The following RALYL variants were observed in gnomAD, a reference collection of about 807,000 sequenced individuals.
The protein encoded by RALYL is RNA-binding Raly-like protein.
A neutral mutation model predicts 35.1 loss-of-function variants in RALYL; 29 were observed. The ratio of observed to expected loss-of-function variants is 0.83; its 90% CI spans 0.61 to 1.13. The LOEUF (loss-of-function observed/expected upper bound fraction) is 1.13, where lower values mean the gene tolerates loss of function less well. RALYL is among the 50% of genes most tolerant of loss of function. The probability of loss-of-function intolerance (pLI) is 0.00; values close to 1 mark genes in which losing one functional copy is unlikely to be tolerated. For missense variants in RALYL, 359 were observed against 360.4 expected, an observed-to-expected ratio of 1.00 and a Z score of 0.03; for synonymous variants, 120 against 127.6, an observed-to-expected ratio of 0.94 and a Z score of 0.40.
intron 4 of RALYL, among the ~76,000 whole-genome samples, chr8:84,820,246 AT>A (rs1470841735): frequency 2.6e-5 from 4 of 152,222 alleles, no homozygotes; most frequent in African/African-American, 9.6e-5. Context: ...AGCAAGTCTT[AT>A]GAGAAACCCT....
chr8:84,625,174 C>A (rs1822455862), intron 2 of RALYL, among the ~76,000 whole-genome samples: 2 of 152,112 alleles, frequency 1.3e-5, no homozygotes, highest in Admixed American at 1.3e-4. Context: ...ATTTCACAGT[C>A]CTTAATTGAA....
At position 84,311,090 on chromosome 8, in the gene RALYL, A is replaced by AAAAAAAAAAAAAATAT. The variant is rs1554614840; in HGVS notation, c.-24+126667_-24+126668insAAAAAAAAAAAATATA. On this transcript the variant is annotated intron_variant, in intron 1 of 8. Transcript: ENST00000521268. ...AAAAAAAAAAAAAAAAAAAAAAAAAAATGTATATTAATGTATAGTATAAAT... is the reference window on the plus strand; with the variant it reads ...AAAAAAAAAAAAAAAAAAAAAAAAAAAAAAAAAAAAAAATATATGTATATTAATGTATAGTATAAAT... 1.4e-4 allele frequency among the ~76,000 whole-genome samples: 14 copies of AAAAAAAAAAAAAATAT among 99,770 alleles called. 1 individual carries two copies. Among genetic ancestry groups the AAAAAAAAAAAAAATAT allele is most frequent in the African/African-American group, 2.1e-4 (6 of 28,004 alleles). The allele number at this position is 99,770 out of a possible 152,430, so 65.5% of individuals were successfully genotyped here.
chr8:84,387,533 T>G (rs1362510115), intron 1 of RALYL, among the ~76,000 whole-genome samples: 2 of 151,936 alleles, frequency 1.3e-5, no homozygotes, highest in African/African-American at 4.8e-5. Flanking sequence ...AGCTCTGCAT[T>G]GCAGAGTTTG....
intron 3 of RALYL, among the ~76,000 whole-genome samples, chr8:84,785,548 G>C (rs983511107): frequency 6.6e-6 from 1 of 151,916 alleles, no homozygotes; most frequent in Non-Finnish European, 1.5e-5. Flanking sequence ...CTTCAAACTC[G>C]GTGCAGTGTC....
chr8:84,720,283 C>A (rs1481868358), intron 2 of RALYL, among the ~76,000 whole-genome samples: 1 of 152,098 alleles, frequency 6.6e-6, no homozygotes. Context: ...GTAATCCAAA[C>A]AGCATGGTAC....
intron 1 of RALYL, among the ~76,000 whole-genome samples, chr8:84,232,667 C>T (rs1825631030): frequency 2.6e-5 from 4 of 151,894 alleles, no homozygotes; most frequent in Admixed American, 2.6e-4. Flanking sequence ...TTAGTCATTC[C>T]ACATGTAAAT....
chr8:84,663,587 T>C (rs1432113977), intron 2 of RALYL, among the ~76,000 whole-genome samples: 2 of 152,226 alleles, frequency 1.3e-5, no homozygotes, highest in African/African-American at 2.4e-5. Flanking sequence ...ATTGAGCTTT[T>C]TTTCATGTTT....
At chr8:84,854,964 G>T (rs1350264214) in intron 5 of RALYL, among the ~76,000 whole-genome samples, 1 of 152,168 alleles carries the variant, frequency 6.6e-6, no homozygotes, top group Non-Finnish European at 1.5e-5. Context: ...CTTTGAGGGA[G>T]CGTGGAGTGG....
intron 1 of RALYL, among the ~76,000 whole-genome samples, chr8:84,392,600 G>T (rs1860946801): frequency 1.3e-5 from 2 of 152,006 alleles, no homozygotes; most frequent in Admixed American, 1.3e-4. Context: ...CAGCCTGAAG[G>T]AGTTGGGGAG....
chr8:84,778,396 C>T (rs1241895651), intron 3 of RALYL, among the ~76,000 whole-genome samples: 1 of 152,130 alleles, frequency 6.6e-6, no homozygotes, highest in African/African-American at 2.4e-5. Flanking sequence ...GCTAAGTAAA[C>T]ATGGTATACA....
intron 1 of RALYL, among the ~76,000 whole-genome samples, chr8:84,422,769 A>G (rs1279188857): frequency 6.9e-6 from 1 of 144,086 alleles, no homozygotes; most frequent in Admixed American, 6.9e-5. Flanking sequence ...CATTGGTTTC[A>G]AAGAACATCT....
intron 2 of RALYL, among the ~76,000 whole-genome samples, chr8:84,685,651 T>C (rs138497100): frequency 6.6e-6 from 1 of 152,270 alleles, no homozygotes; most frequent in African/African-American, 2.4e-5. Flanking sequence ...TATCACACCA[T>C]GTAGAATTAC....
At chr8:84,200,355 G>A (rs1008966764) in intron 1 of RALYL, among the ~76,000 whole-genome samples, 2 of 151,924 alleles carry the variant, frequency 1.3e-5, no homozygotes, top group African/African-American at 4.8e-5. Context: ...CGTCATTTCA[G>A]GTATTGATTA....
At chr8:84,367,038 C>T (rs998942094) in intron 1 of RALYL, among the ~76,000 whole-genome samples, 4 of 151,586 alleles carry the variant, frequency 2.6e-5, no homozygotes, top group African/African-American at 4.8e-5. Context: ...AAAAACACTC[C>T]GTAGAAATTC....
In RALYL at chr8:84,253,176, GTTTTTTTTTTTTTTTTT is replaced by G. The variant is rs764942491; in HGVS notation, c.-24+68767_-24+68783del. 1.6e-3 allele frequency among the ~76,000 whole-genome samples: 82 copies of G among 52,858 alleles called. 1 individual carries two copies. The highest frequency in any genetic ancestry group is 6.0e-3 in the African/African-American group (69 of 11,558). The allele number at this position is 52,858 out of a possible 152,430, so 34.7% of individuals were successfully genotyped here. A position where few individuals can be genotyped will look rare whatever the true frequency, so the allele number is the denominator to read the frequency against. On this transcript the variant is annotated intron_variant, in intron 1 of 8. Transcript: ENST00000521268. ...GTATGTGTCTGTGTGTAGTTCTGCA[GTTTTTTTTTTTTTTTTT>G]TTTTTTTTTTTTTTGAGACAGAATC...
intron 6 of RALYL, among the ~76,000 whole-genome samples, chr8:84,871,267 T>C (rs1586880242): frequency 6.6e-6 from 1 of 152,304 alleles, no homozygotes; most frequent in African/African-American, 2.4e-5. Context: ...GAGTCTATAT[T>C]GTTTTCTAAT....
At chr8:84,417,466 T>G (rs1040896044) in intron 1 of RALYL, among the ~76,000 whole-genome samples, 1 of 151,988 alleles carries the variant, frequency 6.6e-6, no homozygotes. Flanking sequence ...TCTATTGGGT[T>G]GCAACTAAAT....
At chr8:84,718,147 C>T (rs1045343591) in intron 2 of RALYL, among the ~76,000 whole-genome samples, 1 of 152,068 alleles carries the variant, frequency 6.6e-6, no homozygotes. Flanking sequence ...AAGCAAAATA[C>T]TAGGGATCTT....
intron 2 of RALYL, among the ~76,000 whole-genome samples, chr8:84,768,407 T>G (rs1300547006): frequency 6.6e-6 from 1 of 152,224 alleles, no homozygotes; most frequent in Non-Finnish European, 1.5e-5. Context: ...TATGATTACC[T>G]GAGCTCTTTG....
Sources: gnomAD v4.1 joint callset for allele counts (sites outside exome capture counted in the v4.1 genomes callset) on GRCh38, gnomAD v4.1.1 for gene constraint, MANE v1.5 for transcripts, NCBI Gene and HGNC (gene_info 2026-07-23, HGNC 2026-07-21) for gene names.